ZP3: variants seen among roughly 807,000 people sequenced by gnomAD.
ZP3 encodes the protein zona pellucida sperm-binding protein 3.
In ZP3, 21 loss-of-function variants were observed where a neutral mutation model predicts 35.6. The observed-to-expected ratio is 0.59, with a 90% CI of 0.42 to 0.85. The LOEUF (loss-of-function observed/expected upper bound fraction) is 0.85, where lower values mean the gene tolerates loss of function less well. Among genes scored for constraint, ZP3 ranks in the 40% least tolerant of loss-of-function variants. ZP3 has a pLI of 0.00. For synonymous variants in ZP3, 207 were observed against 214.5 expected, an observed-to-expected ratio of 0.96 and a Z score of 0.31; for missense variants, 437 against 536.5, an observed-to-expected ratio of 0.81 and a Z score of 1.83.
At chr7:76,408,940 C>A (rs765733786) in intron 1 of ZP3, among the ~76,000 whole-genome samples, 2 of 152,158 alleles carry the variant, frequency 1.3e-5, no homozygotes, top group Non-Finnish European at 2.9e-5. Context: ...ATGACCTTCA[C>A]CTTGCAAAGC....
chr7:76,412,640 G>A (rs1369618075), intron 1 of ZP3, among the ~76,000 whole-genome samples: 4 of 151,962 alleles, frequency 2.6e-5, no homozygotes, highest in Non-Finnish European at 4.4e-5. Context: ...ACCTGAGGTC[G>A]GGAGTTTGAG....
chr7:76,436,030 CTTTTTTTTTT>C (rs60553917), intron 5 of ZP3, among the ~76,000 whole-genome samples: 586 of 74,326 alleles, frequency 7.9e-3, no homozygotes, highest in Middle Eastern at 0.045. Flanking sequence ...CCCCCGCCCC[CTTTTTTTTTT>C]TTTTTTTTTT....
chr7:76,400,991 C>T (rs199648945), intron 1 of ZP3: 43 of 1,550,542 alleles, frequency 2.8e-5, no homozygotes, highest in African/African-American at 2.5e-4. Context: ...TGAGGAAGGG[C>T]GGGGTGGGGC....
chr7:76,398,218 C>T (rs1804702727), intron 1 of ZP3, among the ~76,000 whole-genome samples: 2 of 152,074 alleles, frequency 1.3e-5, no homozygotes, highest in South Asian at 2.1e-4. Context: ...GAGCACTTTT[C>T]ATTTTCTTCT....
intron 1 of ZP3, chr7:76,398,883 C>T: frequency 1.4e-6 from 2 of 1,401,960 alleles, no homozygotes; most frequent in South Asian, 2.4e-5. Context: ...AGGATGGACC[C>T]ATAAGGTGCT....
At chr7:76,438,149 G>A (rs1223117372) in intron 5 of ZP3, among the ~76,000 whole-genome samples, 10 of 152,352 alleles carry the variant, frequency 6.6e-5, no homozygotes, top group African/African-American at 2.2e-4. Context: ...AGGAATTTTA[G>A]CCCTGCCTGA....
rs1232769315 is a variant in ZP3, at chr7:76,415,113, T to C, written c.-66-9939T>C. On this transcript the variant is annotated intron_variant, in intron 1 of 8. Transcript: ENST00000336517. ...GAACGAGGCCCAGCGCGGTGGCTCA[T>C]GCCTGTAATCCCAGCACTTTGGAAG... Among the ~76,000 whole-genome samples, 6 of 151,690 alleles carry C rather than the reference T, an allele frequency of 4.0e-5. No homozygotes were observed. In the East Asian group the frequency reaches 1.0e-3, roughly 25 times the overall value.
At chr7:76,410,994 C>CAA (rs1365590792) in intron 1 of ZP3, among the ~76,000 whole-genome samples, 12 of 60,942 alleles carry the variant, frequency 2.0e-4, no homozygotes, top group South Asian at 6.1e-4. Flanking sequence ...GACTCCATCT[C>CAA]AAAAGAAAAA....
At chr7:76,421,411 T>C (rs188671215), upstream of ZP3, among the ~76,000 whole-genome samples, 1 of 151,952 alleles carries the variant, frequency 6.6e-6, no homozygotes, top group Non-Finnish European at 1.5e-5. Context: ...TGTGCCAACA[T>C]GCCTGACTAA....
At position 76,426,082 on chromosome 7, in the gene ZP3, C is replaced by CAA. The variant is rs368396750; in HGVS notation, c.312+821_312+822dup. ...TAGGCAACAGAGCGAGACTCTGGCT[C>CAA]AAAAAAAAAAAAAAAATTCCACATA... On this transcript the variant is annotated intron_variant, in intron 1 of 7. Coordinates refer to ENST00000394857, the MANE Select transcript of ZP3 (RefSeq NM_001110354.2). Among the ~76,000 whole-genome samples the CAA allele has an allele frequency of 2.7e-3, 330 of 121,748 alleles. 1 individual carries two copies. The highest frequency in any genetic ancestry group is 3.5e-3 in the African/African-American group (111 of 31,778). The allele number at this position is 121,748 out of a possible 152,430, so 79.9% of individuals were successfully genotyped here.
chr7:76,400,332 G>A lies in ZP3; in HGVS notation c.-67+2535G>A, dbSNP rs775605306. The stretch of plus-strand genomic sequence containing the variant: ...CCTCGTAGTGAAAGCAATTGTGGAC[G>A]CCCCAGCCGCGGCTGCCGCACTCGC... On this transcript the variant is annotated intron_variant, in intron 1 of 8. Transcript: ENST00000336517. 2.5e-5 allele frequency: 37 copies of A among 1,501,870 alleles called. No homozygotes were observed. The East Asian group carries it at 5.4e-4, about 22-fold the overall frequency. The allele number at this position is 1,501,870 out of a possible 1,614,324, so 93.0% of individuals were successfully genotyped here. A position where few individuals can be genotyped will look rare whatever the true frequency, so the allele number is the denominator to read the frequency against.
At chr7:76,406,225 G>A (rs1465478229) in intron 1 of ZP3, among the ~76,000 whole-genome samples, 3 of 151,988 alleles carry the variant, frequency 2.0e-5, no homozygotes, top group East Asian at 3.9e-4. Flanking sequence ...TGATCCACGC[G>A]CCTCAGCCTC....
intron 1 of ZP3, among the ~76,000 whole-genome samples, chr7:76,412,635 A>G (rs1805276477): frequency 6.6e-6 from 1 of 152,122 alleles, no homozygotes; most frequent in African/African-American, 2.4e-5. Flanking sequence ...AGATCACCTG[A>G]GGTCGGGAGT....
At chr7:76,425,366 G>A (rs563711978) in intron 1 of ZP3, 90 bp downstream of exon 1, 2 of 1,390,578 alleles carry the variant, frequency 1.4e-6, no homozygotes, top group East Asian at 2.4e-5. Flanking sequence ...GGGAGGTGGG[G>A]TTGGGTGGAT....
chr7:76,429,676 T>G (rs1312664669), intron 2 of ZP3, 43 bp downstream of exon 2: 1 of 1,566,016 alleles, frequency 6.4e-7, no homozygotes, highest in East Asian at 2.3e-5. Flanking sequence ...CAAAAGCCCC[T>G]TGGGTGTGGC....
chr7:76,425,438 C>T (rs918626170), intron 1 of ZP3, among the ~76,000 whole-genome samples, 162 bp downstream of exon 1: 1 of 152,042 alleles, frequency 6.6e-6, no homozygotes, highest in African/African-American at 2.4e-5. Context: ...CTGAGGTCAC[C>T]GGACCCAGGG....
intron 1 of ZP3, among the ~76,000 whole-genome samples, chr7:76,414,300 T>C (rs1805314736): frequency 6.6e-6 from 1 of 152,044 alleles, no homozygotes; most frequent in Non-Finnish European, 1.5e-5. Flanking sequence ...CCCAGCCCCA[T>C]ATTAATATTT....
At chr7:76,426,134 C>G (rs1465441019) in intron 1 of ZP3, among the ~76,000 whole-genome samples, 1 of 151,324 alleles carries the variant, frequency 6.6e-6, no homozygotes, top group Non-Finnish European at 1.5e-5. Context: ...GCGGGGGCAT[C>G]ATAACCTTGG....
At chr7:76,398,050 T>G (rs1804698808) in intron 1 of ZP3, among the ~76,000 whole-genome samples, 1 of 152,122 alleles carries the variant, frequency 6.6e-6, no homozygotes, top group African/African-American at 2.4e-5. Flanking sequence ...CCCTGTCTCC[T>G]GGCAGCCTGG....
Sources: allele counts gnomAD v4.1 joint callset (sites outside exome capture counted in the v4.1 genomes callset), GRCh38; gene constraint gnomAD v4.1.1; transcripts MANE v1.5; gene names NCBI Gene and HGNC (gene_info 2026-07-23, HGNC 2026-07-21).